RSRC1: variants seen among roughly 807,000 people sequenced by gnomAD.
RSRC1 encodes arginine and serine rich coiled-coil 1, also known as serine/Arginine-related protein 53.
In RSRC1, 39 loss-of-function variants were observed where a neutral mutation model predicts 49.1. The observed-to-expected ratio is 0.79, with a 90% confidence interval of 0.61 to 1.04. The LOEUF (loss-of-function observed/expected upper bound fraction) is 1.04. Among genes scored for constraint, RSRC1 ranks in the 50% least tolerant of loss-of-function variants. The pLI is 0.00. For synonymous variants in RSRC1, 143 were observed against 130.8 expected (o/e 1.09, Z -0.63); for missense variants, 388 against 402.4 (o/e 0.96, Z 0.31).
At chr3:158,404,255 A>T (rs1161143071) in intron 6 of RSRC1, among the ~76,000 whole-genome samples, 1 of 151,900 alleles carries the variant, frequency 6.6e-6, no homozygotes, top group Non-Finnish European at 1.5e-5. Context: ...TGAATATCAC[A>T]CTGATCCTAA....
At chr3:158,321,131 C>T (rs1285122952) in intron 5 of RSRC1, among the ~76,000 whole-genome samples, 1 of 151,318 alleles carries the variant, frequency 6.6e-6, no homozygotes, top group Non-Finnish European at 1.5e-5. Flanking sequence ...CTGTATTCAC[C>T]TTCCTCTTCA....
chr3:158,364,399 C>A (rs542586522), intron 6 of RSRC1, among the ~76,000 whole-genome samples: 1 of 152,266 alleles, frequency 6.6e-6, no homozygotes, highest in South Asian at 2.1e-4. Flanking sequence ...ATTTTTATTT[C>A]ATATAAATAG....
At chr3:158,236,615 C>G (rs1723261957) in intron 4 of RSRC1, among the ~76,000 whole-genome samples, 1 of 152,096 alleles carries the variant, frequency 6.6e-6, no homozygotes, top group Admixed American at 6.6e-5. Flanking sequence ...TGAGATTTAT[C>G]CATGTTGCAT....
At chr3:158,244,035 G>GT (rs34272372) in intron 4 of RSRC1, among the ~76,000 whole-genome samples, 10 of 149,376 alleles carry the variant, frequency 6.7e-5, no homozygotes, top group Non-Finnish European at 1.0e-4. Flanking sequence ...TTGAAGTGGG[G>GT]TTTTTTTTTA....
intron 6 of RSRC1, among the ~76,000 whole-genome samples, chr3:158,387,333 G>T (rs1733021834): frequency 6.6e-6 from 1 of 151,998 alleles, no homozygotes; most frequent in African/African-American, 2.4e-5. Flanking sequence ...CTTTTGGCCT[G>T]GAATACTGAT....
chr3:158,515,594 G>T (rs1330716708), intron 7 of RSRC1, among the ~76,000 whole-genome samples: 1 of 131,434 alleles, frequency 7.6e-6, no homozygotes, highest in South Asian at 2.8e-4. Flanking sequence ...TGCTCTTCTC[G>T]AGGATTATCT....
intron 1 of RSRC1, among the ~76,000 whole-genome samples, chr3:158,114,821 G>A (rs1020111236): frequency 6.6e-6 from 1 of 152,040 alleles, no homozygotes; most frequent in African/African-American, 2.4e-5. Flanking sequence ...TAGTGTATAG[G>A]AATGCTAGTG....
At chr3:158,496,322 G>C (rs1739319737) in intron 7 of RSRC1, among the ~76,000 whole-genome samples, 1 of 152,106 alleles carries the variant, frequency 6.6e-6, no homozygotes, top group African/African-American at 2.4e-5. Context: ...ATCACCTGGA[G>C]ACTGATTGTT....
Position 158,172,806 on chromosome 3 carries a change from A to G in RSRC1, c.321-30266A>G, listed in dbSNP as rs117969354. On this transcript the variant is annotated intron_variant, in intron 3 of 9. Coordinates refer to ENST00000611884, the MANE Select transcript of RSRC1 (RefSeq NM_001271838.2). The stretch of plus-strand genomic sequence containing the variant: ...ATTGTTTTAACTCTGTGAGGTTAAA[A>G]CAATTTAAATAAGTTTAGGCTCTGC... 6.2e-4 allele frequency among the ~76,000 whole-genome samples: 94 copies of G among 152,246 alleles called. 1 individual carries two copies. The East Asian group carries it at 0.017, about 28-fold the overall frequency.
At chr3:158,246,154 A>C (rs60187224) in intron 4 of RSRC1, among the ~76,000 whole-genome samples, 11,589 of 151,848 alleles carry the variant, frequency 0.076, 530 homozygotes, top group South Asian at 0.13. Flanking sequence ...AGAACAAAAA[A>C]CCAAACACCG....
chr3:158,502,713 T>G (rs960866254), intron 7 of RSRC1, among the ~76,000 whole-genome samples: 1 of 152,182 alleles, frequency 6.6e-6, no homozygotes, highest in Non-Finnish European at 1.5e-5. Flanking sequence ...TTTCCTGAAT[T>G]TTTTATTGTT....
chr3:158,498,785 T>C (rs540966908), intron 7 of RSRC1, among the ~76,000 whole-genome samples: 2 of 152,332 alleles, frequency 1.3e-5, no homozygotes, highest in East Asian at 3.9e-4. Flanking sequence ...TTCTCCTACA[T>C]GTGGCTAGCC....
intron 7 of RSRC1, among the ~76,000 whole-genome samples, chr3:158,536,222 A>G (rs1712706304): frequency 6.6e-6 from 1 of 151,450 alleles, no homozygotes; most frequent in African/African-American, 2.4e-5. Flanking sequence ...AATTAAACCT[A>G]TAGGTTTCAC....
chr3:158,145,680 C>T (rs1717049588), intron 3 of RSRC1, among the ~76,000 whole-genome samples: 1 of 152,006 alleles, frequency 6.6e-6, no homozygotes, highest in Non-Finnish European at 1.5e-5. Flanking sequence ...AAGTCATTGG[C>T]AGCTTGATGG....
intron 7 of RSRC1, among the ~76,000 whole-genome samples, chr3:158,482,563 C>T (rs1199352726): frequency 6.6e-6 from 1 of 151,994 alleles, no homozygotes; most frequent in Non-Finnish European, 1.5e-5. Context: ...AAGAAGACTT[C>T]TTAAAGTCCC....
chr3:158,253,175 C>T lies in RSRC1; in HGVS notation c.495-44864C>T, dbSNP rs191884496. On this transcript the variant is annotated intron_variant, in intron 4 of 9. Transcript: ENST00000611884. ...ATGATGTATCGCTGGCTTGTTAAAG[C>T]TTTTCTGCTTTTTTTGATGTAGATT... Among the ~76,000 whole-genome samples the T allele has an allele frequency of 6.6e-4, 101 of 151,942 alleles. 1 individual carries two copies. Among genetic ancestry groups the T allele is most frequent in the African/African-American group, 2.4e-3 (98 of 41,496 alleles).
chr3:158,267,027 G>C (rs984608692), intron 4 of RSRC1, among the ~76,000 whole-genome samples: 2 of 152,176 alleles, frequency 1.3e-5, no homozygotes, highest in South Asian at 2.1e-4. Flanking sequence ...GCCTCCCAAA[G>C]TACTGGGATT....
chr3:158,480,053 G>A (rs1738546005), intron 7 of RSRC1, among the ~76,000 whole-genome samples: 1 of 151,956 alleles, frequency 6.6e-6, no homozygotes, highest in Admixed American at 6.6e-5. Context: ...TTGGAACCAG[G>A]CAGACTTCCC....
chr3:158,291,737 CT>C (rs1210342040), intron 4 of RSRC1, among the ~76,000 whole-genome samples: 1 of 152,122 alleles, frequency 6.6e-6, no homozygotes, highest in East Asian at 1.9e-4. Context: ...AGTGTGGCTC[CT>C]TAACCCGATT....
Sources: allele counts gnomAD v4.1 joint callset (sites outside exome capture counted in the v4.1 genomes callset), GRCh38; gene constraint gnomAD v4.1.1; transcripts MANE v1.5; gene names NCBI Gene and HGNC (gene_info 2026-07-23, HGNC 2026-07-21).